The following ADORA2B variants were observed in gnomAD, a reference collection of about 807,000 sequenced individuals.
ADORA2B encodes adenosine A2b receptor, also known as adenosine receptor A2b.
In ADORA2B, 18 loss-of-function variants were observed where a neutral mutation model predicts 20.8. The ratio of observed to expected loss-of-function variants is 0.87; its 90% CI spans 0.60 to 1.29. The LOEUF (loss-of-function observed/expected upper bound fraction) is 1.29. Ranked by LOEUF, ADORA2B falls within the 50% of genes most tolerant of loss-of-function variation. The probability of loss-of-function intolerance (pLI) is 0.00; values close to 1 mark genes in which losing one functional copy is unlikely to be tolerated. For synonymous variants in ADORA2B, 179 were observed against 178.3 expected (o/e 1.00, Z -0.03); for missense variants, 441 against 422.7 (o/e 1.04, Z -0.38).
At chr17:15,957,799 C>T (rs923331559) in intron 1 of ADORA2B, among the ~76,000 whole-genome samples, 2 of 152,172 alleles carry the variant, frequency 1.3e-5, no homozygotes, top group African/African-American at 2.4e-5. Flanking sequence ...CACCCGTCTC[C>T]GCCCAACCTT....
chr17:15,963,414 G>A (rs563928511), intron 1 of ADORA2B, among the ~76,000 whole-genome samples: 3 of 152,154 alleles, frequency 2.0e-5, no homozygotes, highest in Non-Finnish European at 4.4e-5. Flanking sequence ...CTTGCTGGTC[G>A]CTTGTGTTTA....
chr17:15,867,735 C>T, the ADORA2B span, among the ~76,000 whole-genome samples: 4 of 149,428 alleles, frequency 2.7e-5, no homozygotes, highest in East Asian at 2.0e-4. Context: ...TCTGCCCGGC[C>T]GCCCCTACTG....
the ADORA2B span, among the ~76,000 whole-genome samples, chr17:15,856,080 A>C: frequency 6.6e-6 from 1 of 152,154 alleles, no homozygotes; most frequent in South Asian, 2.1e-4. Context: ...TGTAATCTCC[A>C]TAATCCCCAT....
Position 15,969,887 on chromosome 17 carries a change from C to T in ADORA2B, c.336-4792C>T, listed in dbSNP as rs565154856. The stretch of plus-strand genomic sequence containing the variant: ...CCCTGCTTAAAAGTCTTCCATGGGT[C>T]CCGGTGCCTATGAACTGGCCCCTGC... On this transcript the variant is annotated intron_variant, in intron 1 of 1. Coordinates refer to ENST00000304222, the MANE Select transcript of ADORA2B (RefSeq NM_000676.4). Among the ~76,000 whole-genome samples, 4 of 152,356 alleles carry T rather than the reference C, an allele frequency of 2.6e-5. No individual in the cohort carries two copies. The East Asian group carries it at 5.8e-4, about 22-fold the overall frequency.
the ADORA2B span, among the ~76,000 whole-genome samples, chr17:15,890,933 G>T: frequency 6.6e-6 from 1 of 152,212 alleles, no homozygotes; most frequent in Non-Finnish European, 1.5e-5. Flanking sequence ...GCCACTCAAG[G>T]TTTACCAGAT....
In ADORA2B at chr17:15,975,025, C is replaced by T. The variant is rs78982650; in HGVS notation, c.682C>T (p.Arg228Trp). 11 of 1,614,150 alleles carry T rather than the reference C, an allele frequency of 6.8e-6. No homozygotes were observed. The highest frequency in any genetic ancestry group is 2.2e-5 in the East Asian group (1 of 44,880). Residue 228 changes from arginine to tryptophan, a missense_variant, in exon 2 of 2, where the codon CGG (arginine) becomes TGG (tryptophan). Transcript: ENST00000304222. Reference sequence around the variant, plus strand: ...GGACCACTCGAGGACCACCCTCCAGCGGGAGATCCATGCAGCCAAGTCACT... The same window carrying T: ...GGACCACTCGAGGACCACCCTCCAGTGGGAGATCCATGCAGCCAAGTCACT... ...LMDHSRTTLQ[R>W]EIHAAKSLAM...
the ADORA2B span, among the ~76,000 whole-genome samples, chr17:15,936,555 G>A: frequency 6.6e-6 from 1 of 151,824 alleles, no homozygotes; most frequent in Non-Finnish European, 1.5e-5. Context: ...CCTGACCTCA[G>A]GTGATCCACC....
the ADORA2B span, among the ~76,000 whole-genome samples, chr17:15,939,336 C>T: frequency 5.9e-5 from 9 of 152,248 alleles, no homozygotes; most frequent in Non-Finnish European, 1.0e-4. Flanking sequence ...CCACAGCGCC[C>T]GGCTGCTTCT....
At chr17:15,961,668 G>A (rs1402074260) in intron 1 of ADORA2B, among the ~76,000 whole-genome samples, 1 of 152,188 alleles carries the variant, frequency 6.6e-6, no homozygotes, top group Non-Finnish European at 1.5e-5. Context: ...ACGAAGGCTG[G>A]GAAGTCTGAT....
chr17:15,873,022 T>TA, the ADORA2B span, among the ~76,000 whole-genome samples: 2 of 152,190 alleles, frequency 1.3e-5, no homozygotes, highest in South Asian at 4.1e-4. Flanking sequence ...CATTCAGTAT[T>TA]ACGCTGGTTG....
the ADORA2B span, among the ~76,000 whole-genome samples, chr17:15,934,649 T>C: frequency 6.6e-6 from 1 of 152,314 alleles, no homozygotes; most frequent in East Asian, 1.9e-4. Flanking sequence ...TGTCAGAATA[T>C]ATAATGATAT....
the ADORA2B span, among the ~76,000 whole-genome samples, chr17:15,920,238 G>C: frequency 6.6e-6 from 1 of 152,198 alleles, no homozygotes; most frequent in Admixed American, 6.5e-5. Flanking sequence ...GGAAGGGAGA[G>C]TGAGGCATGA....
At chr17:15,928,953 A>T in the ADORA2B span, among the ~76,000 whole-genome samples, 4 of 152,030 alleles carry the variant, frequency 2.6e-5, no homozygotes, top group Non-Finnish European at 5.9e-5. Context: ...TTGTTACGGA[A>T]GGAGAGGGGA....
At chr17:15,874,672 A>G in the ADORA2B span, among the ~76,000 whole-genome samples, 1 of 152,172 alleles carries the variant, frequency 6.6e-6, no homozygotes, top group East Asian at 1.9e-4. Flanking sequence ...AGTCTGAGCA[A>G]CAAAGAGAGA....
At chr17:15,869,719 T>G in the ADORA2B span, among the ~76,000 whole-genome samples, 1 of 152,152 alleles carries the variant, frequency 6.6e-6, no homozygotes, top group African/African-American at 2.4e-5. Flanking sequence ...CTGTGACAAT[T>G]CACAAGTCAG....
Position 15,945,210 on chromosome 17 carries a change from C to CTTT in ADORA2B, c.-39_-38insTTT. Reference sequence around the variant, plus strand: ...ACGCGGCTGCCCCTCGCCCGGCGCGCCTTCGGTAGGGGGCGCCCGGGGCCC... The same window carrying CTTT: ...ACGCGGCTGCCCCTCGCCCGGCGCGCTTTCTTCGGTAGGGGGCGCCCGGGGCCC... On this transcript the variant is annotated 5_prime_UTR_variant, in exon 1 of 2. Coordinates refer to ENST00000304222, the MANE Select transcript of ADORA2B (RefSeq NM_000676.4). 1 of 1,377,582 alleles carries CTTT rather than the reference C, an allele frequency of 7.3e-7. No individual in the cohort carries two copies. The highest frequency in any genetic ancestry group is 1.7e-5 in the South Asian group (1 of 59,780). The allele number at this position is 1,377,582 out of a possible 1,614,324, so 85.3% of individuals were successfully genotyped here.
chr17:15,945,721 T>C, intron 1 of ADORA2B, 138 bp downstream of exon 1: 1 of 808,414 alleles, frequency 1.2e-6, no homozygotes, highest in Non-Finnish European at 1.9e-6. Flanking sequence ...GAGGGCTGGT[T>C]CCCAGCCTGG....
chr17:15,866,700 TCTGCCG>T, the ADORA2B span, among the ~76,000 whole-genome samples: 3 of 123,356 alleles, frequency 2.4e-5, no homozygotes, highest in South Asian at 5.5e-4. Flanking sequence ...TGCCTCTGCC[TCTGCCG>T]CTGCCGCTGC....
chr17:15,907,367 T>C, the ADORA2B span, among the ~76,000 whole-genome samples: 269 of 152,312 alleles, frequency 1.8e-3, no homozygotes, highest in African/African-American at 5.2e-3. Context: ...CAGGGGACCA[T>C]TGTGCTAAGT....
Sources: allele counts gnomAD v4.1 joint callset (sites outside exome capture counted in the v4.1 genomes callset), GRCh38; gene constraint gnomAD v4.1.1; transcripts MANE v1.5; gene names NCBI Gene and HGNC (gene_info 2026-07-23, HGNC 2026-07-21).